Variants in RD3 observed in about 807,000 individuals in gnomAD.
RD3 encodes the protein RD3 regulator of GUCY2D.
Under a neutral mutation model 16.9 loss-of-function variants are expected in RD3, and 11 were observed. That is an observed-to-expected ratio of 0.65 (90% CI 0.41 to 1.08). The LOEUF (loss-of-function observed/expected upper bound fraction) is 1.08, where lower values mean the gene tolerates loss of function less well. Ranked by LOEUF, RD3 falls within the 50% of genes least tolerant of loss-of-function variation. RD3 has a pLI of 0.00. For synonymous variants in RD3, 116 were observed against 114.8 expected, an observed-to-expected ratio of 1.01 and a Z score of -0.07; for missense variants, 274 against 267.4, an observed-to-expected ratio of 1.02 and a Z score of -0.17.
Position 211,479,167 on chromosome 1 carries a change from A to T in RD3, c.457T>A (p.Phe153Ile). The stretch of plus-strand genomic sequence containing the variant: ...GGCGAGATGCGCGCGCGGGTCTTGA[A>T]GGTGGCCAGGCTGCCGCGGGGCCGC... ...SLRPRGSLAT[F>I]KTRARISPFA... The change falls in exon 3 of 3, where the codon TTC (phenylalanine) becomes ATC (isoleucine). Residue 153 changes from phenylalanine to isoleucine, a missense_variant. Transcript: ENST00000680073. The T allele has an allele frequency of 1.2e-6, 2 of 1,612,918 alleles. No individual in the cohort carries two copies. The highest frequency in any genetic ancestry group is 1.7e-6 in the Non-Finnish European group (2 of 1,179,662).
chr1:211,489,596 C>A (rs2102373830), intron 1 of RD3, among the ~76,000 whole-genome samples: 1 of 147,180 alleles, frequency 6.8e-6, no homozygotes, highest in South Asian at 2.1e-4. Context: ...TTGATAGCTG[C>A]ATTTCAATAG....
At chr1:211,479,477 G>T in intron 2 of RD3, 150 bp from the exon 3 acceptor site, 1 of 708,096 alleles carries the variant, frequency 1.4e-6, no homozygotes, top group Non-Finnish European at 2.3e-6. Flanking sequence ...ACCACCCCAC[G>T]CTGCTACTGC....
chr1:211,482,862 C>A (rs60545899), intron 1 of RD3, among the ~76,000 whole-genome samples: 28,307 of 151,640 alleles, frequency 0.19, 3,685 homozygotes, highest in African/African-American at 0.33. Flanking sequence ...CTTCCATGCA[C>A]CAATGATCCC....
chr1:211,481,216 G>T lies in RD3; in HGVS notation c.200C>A (p.Pro67His). 1 of 1,614,246 alleles carries T rather than the reference G, an allele frequency of 6.2e-7. No homozygotes were observed. Among genetic ancestry groups the T allele is most frequent in the Non-Finnish European group, 8.5e-7 (1 of 1,180,036 alleles). The change falls in exon 2 of 3, where the codon CCC (proline) becomes CAC (histidine). Residue 67 changes from proline to histidine, a missense_variant. Coordinates refer to ENST00000680073, the MANE Select transcript of RD3 (RefSeq NM_001164688.2). Reference protein sequence around the residue: ...GVDYSWLASTPRSTYDLSPIE... With the variant: ...GVDYSWLASTHRSTYDLSPIE... ...GGGGCTGAGGTCATAGGTGGACCGG[G>T]GTGTGCTGGCCAGCCAGCTGTAGTC...
rs1490930987 is a variant in RD3, at chr1:211,478,725, G to C, written c.*311C>G. The stretch of plus-strand genomic sequence containing the variant: ...ACTGTCCCCTTTTAGACAGAACCAG[G>C]AGATGAGGATGGGGCAATGGTCTGT... On this transcript the variant is annotated 3_prime_UTR_variant, in exon 3 of 3. Transcript: ENST00000680073. 2.6e-6 allele frequency: 1 copy of C among 388,288 alleles called. No individual in the cohort carries two copies. Among genetic ancestry groups the C allele is most frequent in the Non-Finnish European group, 4.6e-6 (1 of 216,134 alleles). The allele number at this position is 388,288 out of a possible 1,614,324, so 24.1% of individuals were successfully genotyped here.
chr1:211,491,329 T>C (rs1164723359), intron 1 of RD3, among the ~76,000 whole-genome samples: 1 of 152,204 alleles, frequency 6.6e-6, no homozygotes, highest in Non-Finnish European at 1.5e-5. Context: ...TTGGACTTAG[T>C]AGATGCTCGA....
rs1705180159 is a variant in RD3 at position 211,478,061 on chromosome 1, G to A, written c.*975C>T. On this transcript the variant is annotated 3_prime_UTR_variant, in exon 3 of 3. Coordinates refer to ENST00000680073, the MANE Select transcript of RD3 (RefSeq NM_001164688.2). The stretch of plus-strand genomic sequence containing the variant: ...GTCAGGGGTTTGGGCATCACTTTCT[G>A]GAGAAAGCCAGAGAGCAGGTGTGAC... 3.3e-5 allele frequency: 13 copies of A among 398,702 alleles called. No homozygotes were observed. The East Asian group carries it at 4.6e-4, about 14-fold the overall frequency. The allele number at this position is 398,702 out of a possible 1,614,324, so 24.7% of individuals were successfully genotyped here.
At chr1:211,482,457 G>C (rs953415534) in intron 1 of RD3, among the ~76,000 whole-genome samples, 4 of 151,888 alleles carry the variant, frequency 2.6e-5, no homozygotes, top group Non-Finnish European at 5.9e-5. Flanking sequence ...ATGTGGGAGG[G>C]GAAGGTGTGA....
rs1166234338 is a variant in RD3 at position 211,477,120 on chromosome 1, A to G, written c.*1916T>C. ...AACTTAAGTGTAGAACTCCCACCAGACAAAACATATAGGTCACAAAAAAGC... is the reference window on the plus strand; with the variant it reads ...AACTTAAGTGTAGAACTCCCACCAGGCAAAACATATAGGTCACAAAAAAGC... On this transcript the variant is annotated 3_prime_UTR_variant, in exon 3 of 3. Coordinates refer to ENST00000680073, the MANE Select transcript of RD3 (RefSeq NM_001164688.2). 1 of 151,432 alleles carries G rather than the reference A, an allele frequency of 6.6e-6. No individual in the cohort carries two copies. The highest frequency in any genetic ancestry group is 1.5e-5 in the Non-Finnish European group (1 of 67,880). 9.4% of individuals were successfully genotyped at this position (151,432 alleles called of 1,614,324 possible).
In RD3 at chr1:211,479,147, G is replaced by A. The variant is rs1390659044; in HGVS notation, c.477C>T (p.Ile159=). The change falls in exon 3 of 3, where the codon ATC becomes ATT. Residue 159 remains isoleucine (I), a synonymous_variant. Transcript: ENST00000680073. ...SLATFKTRAR[I]SPFASDIRTI... ...TCCTGATGTCGCTGGCGAAGGGCGA[G>A]ATGCGCGCGCGGGTCTTGAAGGTGG... is the stretch of plus-strand genomic sequence containing the variant. The A allele has an allele frequency of 6.2e-7, 1 of 1,612,902 alleles. No homozygotes were observed. Among genetic ancestry groups the A allele is most frequent in the Non-Finnish European group, 8.5e-7 (1 of 1,179,664 alleles).
chr1:211,491,252 G>T lies in RD3; in HGVS notation c.-12+516C>A, dbSNP rs577067677. Among the ~76,000 whole-genome samples, 4 of 152,344 alleles carry T rather than the reference G, an allele frequency of 2.6e-5. No individual in the cohort carries two copies. The South Asian group carries it at 8.3e-4, about 32-fold the overall frequency. ...GCACAGACTGCTCCATGTTCGAGGG[G>T]ACTGAGGCACATCCATCACCCTCGT... On this transcript the variant is annotated intron_variant, in intron 1 of 2. Coordinates refer to ENST00000680073, the MANE Select transcript of RD3 (RefSeq NM_001164688.2).
chr1:211,484,154 C>T (rs927799921), intron 1 of RD3, among the ~76,000 whole-genome samples: 4 of 152,322 alleles, frequency 2.6e-5, no homozygotes, highest in African/African-American at 7.2e-5. Context: ...CTTTACGGAA[C>T]GTGACTGCCT....
In RD3 at chr1:211,479,091, G is replaced by A; in HGVS notation, c.533C>T (p.Pro178Leu). 6.2e-7 allele frequency: 1 copy of A among 1,610,814 alleles called. No homozygotes were observed. Among genetic ancestry groups the A allele is most frequent in the Non-Finnish European group, 8.5e-7 (1 of 1,179,324 alleles). ...CATGCTCCAGGACCGCAGTGGCGGCGGTGTGTCCCGCTCCACGTCCTCGGA... is the reference window on the plus strand; with the variant it reads ...CATGCTCCAGGACCGCAGTGGCGGCAGTGTGTCCCGCTCCACGTCCTCGGA... ...TISEDVERDT[P>L]PPLRSWSMPE... is the part of the protein sequence containing the mutation. Residue 178 changes from proline (P) to leucine (L), a missense_variant, in exon 3 of 3, where the codon CCG becomes CTG. Transcript: ENST00000680073.
chr1:211,478,678 G>T lies in RD3; in HGVS notation c.*358C>A, dbSNP rs913186412. 3.5e-6 allele frequency: 1 copy of T among 283,228 alleles called. No individual in the cohort carries two copies. Among genetic ancestry groups the T allele is most frequent in the Non-Finnish European group, 6.6e-6 (1 of 151,922 alleles). 17.5% of individuals were successfully genotyped at this position (283,228 alleles called of 1,614,324 possible). On this transcript the variant is annotated 3_prime_UTR_variant, in exon 3 of 3. Transcript: ENST00000680073. The stretch of plus-strand genomic sequence containing the variant: ...TCCCTGAAATTGGGGTGAGAACCTA[G>T]GTCTTGCCAAAAGGCAGGGCAACTG...
At chr1:211,481,001 A>G (rs2102367564) in intron 2 of RD3, 119 bp downstream of exon 2, 1 of 1,053,132 alleles carries the variant, frequency 9.5e-7, no homozygotes, top group Admixed American at 2.0e-5. Context: ...GCTCCTTCTA[A>G]CAGATAACTA....
In RD3 at chr1:211,481,407, G is replaced by A. The variant is rs779379626; in HGVS notation, c.9C>T (p.Leu3=). 3 of 1,612,618 alleles carry A rather than the reference G, an allele frequency of 1.9e-6. No homozygotes were observed. Among genetic ancestry groups the A allele is most frequent in the Admixed American group, 1.7e-5 (1 of 60,026 alleles). The change falls in exon 2 of 3, where the codon CTC becomes CTT. Residue 3 remains leucine, a synonymous_variant. Coordinates refer to ENST00000680073, the MANE Select transcript of RD3 (RefSeq NM_001164688.2). The stretch of plus-strand genomic sequence containing the variant: ...CCTCGTTCCACCGAAGCCATGAGAT[G>A]AGAGACATAGCCCCTGGCCCTGCTG... MS[L]ISWLRWNEAP...
At chr1:211,487,730 T>C (rs1229137906) in intron 1 of RD3, among the ~76,000 whole-genome samples, 1 of 152,190 alleles carries the variant, frequency 6.6e-6, no homozygotes, top group Non-Finnish European at 1.5e-5. Context: ...CCCACGAGCC[T>C]GGGCATCGAG....
At chr1:211,488,963 G>C (rs1279144793) in intron 1 of RD3, among the ~76,000 whole-genome samples, 1 of 152,102 alleles carries the variant, frequency 6.6e-6, no homozygotes, top group Non-Finnish European at 1.5e-5. Flanking sequence ...GGTGGAGCAG[G>C]CTGGGCTTGG....
At chr1:211,481,657 AC>A (rs1194009408) in intron 1 of RD3, among the ~76,000 whole-genome samples, 4 of 152,212 alleles carry the variant, frequency 2.6e-5, no homozygotes. Context: ...TAAACTTTGT[AC>A]ACTGTAAACA....
Sources: allele counts gnomAD v4.1 joint callset (sites outside exome capture counted in the v4.1 genomes callset), GRCh38; gene constraint gnomAD v4.1.1; transcripts MANE v1.5; gene names NCBI Gene and HGNC (gene_info 2026-07-23, HGNC 2026-07-21).